Variants in NLRC4 observed in about 807,000 individuals in gnomAD.
NLRC4 encodes the protein NLR family CARD domain-containing protein 4.
In NLRC4, 63 loss-of-function variants were observed where a neutral mutation model predicts 79.9. The observed-to-expected ratio is 0.79, with a 90% CI of 0.64 to 0.97. The LOEUF (loss-of-function observed/expected upper bound fraction) is 0.97. Among genes scored for constraint, NLRC4 ranks in the 50% least tolerant of loss-of-function variants. The pLI is 0.00. For synonymous variants in NLRC4, 461 were observed against 456.5 expected (o/e 1.01, Z -0.12); for missense variants, 1,074 against 1,215.2 (o/e 0.88, Z 1.73).
At chr2:32,259,079 A>C (rs1687275230) in intron 1 of NLRC4, among the ~76,000 whole-genome samples, 2 of 151,896 alleles carry the variant, frequency 1.3e-5, no homozygotes, top group South Asian at 4.2e-4. Flanking sequence ...TTGGCATGGG[A>C]ACTCATGTTA....
intron 8 of NLRC4, among the ~76,000 whole-genome samples, chr2:32,230,332 C>G (rs988548099): frequency 6.6e-6 from 1 of 152,092 alleles, no homozygotes; most frequent in African/African-American, 2.4e-5. Flanking sequence ...TGTGTTTATT[C>G]ACTGTTTTTT....
In NLRC4 at chr2:32,235,650, C is replaced by G; in HGVS notation, c.2615-82G>C. On this transcript the variant is annotated intron_variant, in intron 7 of 8. Transcript: ENST00000402280. The stretch of plus-strand genomic sequence containing the variant: ...AAAGGGGTGTTAGGGGAGGAATGAT[C>G]TTTATGTTTGGTGGCTCTGCAGCCT... 3 of 1,193,018 alleles carry G rather than the reference C, an allele frequency of 2.5e-6. No homozygotes were observed. The South Asian group carries it at 4.3e-5, about 17-fold the overall frequency. 73.9% of individuals were successfully genotyped at this position (1,193,018 alleles called of 1,614,324 possible). A position where few individuals can be genotyped will look rare whatever the true frequency, so the allele number is the denominator to read the frequency against.
At chr2:32,242,943 G>T (rs1184008606) in intron 4 of NLRC4, among the ~76,000 whole-genome samples, 1 of 152,096 alleles carries the variant, frequency 6.6e-6, no homozygotes, top group Non-Finnish European at 1.5e-5. Context: ...GGCTACTCAG[G>T]AGGCTGAGGC....
Position 32,250,029 on chromosome 2 carries a change from A to G in NLRC4, c.1835T>C (p.Ile612Thr), listed in dbSNP as rs766984217. 1.6e-5 allele frequency: 26 copies of G among 1,614,098 alleles called. No individual in the cohort carries two copies. Among genetic ancestry groups the G allele is most frequent in the Non-Finnish European group, 2.1e-5 (25 of 1,180,046 alleles). The part of the protein sequence containing the change: ...LPNCASALDF[I>T]KLDFYGGAMA... ...AGCTCCCCCATAAAAGTCCAGTTTA[A>G]TGAAGTCCAGGGCACTTGCACAATT... The change falls in exon 4 of 9, where the codon ATT becomes ACT. Residue 612 changes from isoleucine (I) to threonine (T), a missense_variant. Transcript: ENST00000402280. This position sits in a 1 kb window ranked among gnomAD's most constrained non-coding sequence, Gnocchi z 4.9.
chr2:32,257,943 G>A (rs1333411301), intron 1 of NLRC4, among the ~76,000 whole-genome samples: 2 of 152,096 alleles, frequency 1.3e-5, no homozygotes, highest in Non-Finnish European at 1.5e-5. Flanking sequence ...GCTGTCCGTA[G>A]GCGTCTTGTA....
chr2:32,261,759 T>A (rs753864378), intron 1 of NLRC4, among the ~76,000 whole-genome samples: 1 of 152,106 alleles, frequency 6.6e-6, no homozygotes, highest in South Asian at 2.1e-4. Flanking sequence ...ATGTTAAAAC[T>A]GATTCATTAA....
intron 6 of NLRC4, 72 bp from the exon 7 acceptor site, chr2:32,236,411 A>G: frequency 1.2e-6 from 1 of 816,768 alleles, no homozygotes; most frequent in Non-Finnish European, 1.8e-6. Context: ...GTATCCTTAG[A>G]ATAATTCTGA....
intron 8 of NLRC4, among the ~76,000 whole-genome samples, chr2:32,231,572 T>TGC (rs757448591): frequency 0.47 from 27,578 of 58,584 alleles, 6,873 homozygotes; most frequent in Admixed American, 0.51. Context: ...TATTTTTTTT[T>TGC]GTGGGGGGGG....
chr2:32,261,318 T>TTTTTTTTTTTTTTC (rs1687344031), intron 1 of NLRC4, among the ~76,000 whole-genome samples: 1 of 86,214 alleles, frequency 1.2e-5, no homozygotes, highest in African/African-American at 4.4e-5. Flanking sequence ...CCTCCCCCCT[T>TTTTTTTTTTTTTTC]TTGTTTTTTT....
chr2:32,239,299 A>C (rs1340543423), intron 5 of NLRC4, among the ~76,000 whole-genome samples: 2 of 152,208 alleles, frequency 1.3e-5, no homozygotes, highest in African/African-American at 4.8e-5. Context: ...AGAAAAGAAA[A>C]GAAATAAAAT....
chr2:32,243,881 C>T (rs1686865535), intron 4 of NLRC4, among the ~76,000 whole-genome samples: 2 of 151,864 alleles, frequency 1.3e-5, no homozygotes, highest in African/African-American at 4.8e-5. Context: ...GGAAATCAAT[C>T]CATATAATTC....
chr2:32,226,975 G>A (rs1040894314), intron 8 of NLRC4, among the ~76,000 whole-genome samples: 1 of 152,080 alleles, frequency 6.6e-6, no homozygotes, highest in African/African-American at 2.4e-5. Flanking sequence ...TTCGGCATAT[G>A]GCCACTCATA....
In NLRC4 at chr2:32,250,987, G is replaced by A. The variant is rs550321675; in HGVS notation, c.877C>T (p.Leu293=). The A allele has an allele frequency of 1.9e-6, 3 of 1,614,174 alleles. No homozygotes were observed. Among genetic ancestry groups the A allele is most frequent in the South Asian group, 2.2e-5 (2 of 91,078 alleles). The change falls in exon 4 of 9, where the codon CTG becomes TTG. Residue 293 remains leucine (L), a synonymous_variant. Transcript: ENST00000402280. This position sits in a 1 kb window ranked among gnomAD's most constrained non-coding sequence, Gnocchi z 4.9. ...CLRHIRQFGA[L]TAEVGDMTED... is the part of the protein sequence containing the mutation. ...GTCATATCCCCCACCTCAGCAGTCA[G>A]GGCACCAAACTGCCGTATGTGCCTC...
At position 32,241,677 on chromosome 2, in the gene NLRC4, C is replaced by T. The variant is rs577762295; in HGVS notation, c.2258-552G>A. ...ACAGGCGTGAGCCACTGCGCCTGGC[C>T]GATAACAGGGAAATTTCTAAACACT... On this transcript the variant is annotated intron_variant, in intron 4 of 8. Coordinates refer to ENST00000402280, the MANE Select transcript of NLRC4 (RefSeq NM_001199138.2). Among the ~76,000 whole-genome samples the T allele has an allele frequency of 3.9e-5, 6 of 151,956 alleles. No individual in the cohort carries two copies. In the South Asian group the frequency reaches 6.3e-4, roughly 16 times the overall value.
Position 32,250,619 on chromosome 2 carries a change from G to T in NLRC4, c.1245C>A (p.Ser415Arg). ...KFDFELQDVS[S>R]VNEDVLLTTG... ...TTGTCAGCAGGACATCCTCATTCACGCTGGACACATCCTGCAGTTCGAAAT... is the reference window on the plus strand; with the variant it reads ...TTGTCAGCAGGACATCCTCATTCACTCTGGACACATCCTGCAGTTCGAAAT... The change falls in exon 4 of 9, where the codon AGC (serine) becomes AGA (arginine). Residue 415 changes from serine to arginine, a missense_variant. Ser to Arg is a moderately radical substitution (Grantham distance 110). Transcript: ENST00000402280. The surrounding 1 kb of genome is among the most constrained non-coding windows in gnomAD (Gnocchi z 4.9). 6 of 1,614,108 alleles carry T rather than the reference G, an allele frequency of 3.7e-6. No individual in the cohort carries two copies. Among genetic ancestry groups the T allele is most frequent in the Non-Finnish European group, 8.5e-7 (1 of 1,180,010 alleles).
intron 8 of NLRC4, among the ~76,000 whole-genome samples, chr2:32,225,617 G>A (rs1001795088): frequency 2.0e-5 from 3 of 152,170 alleles, no homozygotes; most frequent in Non-Finnish European, 4.4e-5. Flanking sequence ...CTAGCTCTGT[G>A]TTAATTACAC....
chr2:32,261,329 T>TTTTTTTTTTTTTTTTTTTTTTTGTTTG, intron 1 of NLRC4, among the ~76,000 whole-genome samples: 1 of 119,286 alleles, frequency 8.4e-6, no homozygotes, highest in African/African-American at 3.2e-5. Context: ...TTGTTTTTTT[T>TTTTTTTTTTTTTTTTTTTTTTTGTTTG]TGAGATGGAG....
intron 1 of NLRC4, among the ~76,000 whole-genome samples, chr2:32,257,498 TC>T (rs1687234323): frequency 6.6e-6 from 1 of 151,838 alleles, no homozygotes; most frequent in Non-Finnish European, 1.5e-5. Flanking sequence ...TCCCAGCTGT[TC>T]CGGAGGCTGA....
rs762565505 is a variant in NLRC4 at position 32,250,782 on chromosome 2, G to C, written c.1082C>G (p.Thr361Arg). Residue 361 changes from threonine (T) to arginine (R), a missense_variant, in exon 4 of 9, where the codon ACG (threonine) becomes AGG (arginine). Physicochemically the swap from Thr to Arg is moderately conservative, Grantham distance 71. Coordinates refer to ENST00000402280, the MANE Select transcript of NLRC4 (RefSeq NM_001199138.2). This position sits in a 1 kb window ranked among gnomAD's most constrained non-coding sequence, Gnocchi z 4.9. The stretch of plus-strand genomic sequence containing the variant: ...CAGATCATAGAAGGTATGGAACAGC[G>C]TTGTTTGTGTGTGAGAGTGGAACTC... ...ESEFHSHTQT[T>R]LFHTFYDLLI... 5 of 1,614,150 alleles carry C rather than the reference G, an allele frequency of 3.1e-6. No individual in the cohort carries two copies. In the East Asian group the frequency reaches 8.9e-5, roughly 29 times the overall value.
Sources: gnomAD v4.1 joint callset for allele counts (sites outside exome capture counted in the v4.1 genomes callset) on GRCh38, gnomAD v4.1.1 for gene constraint, Gnocchi (gnomAD v3.1) non-coding constraint, MANE v1.5 for transcripts, NCBI Gene and HGNC (gene_info 2026-07-23, HGNC 2026-07-21) for gene names.